RASAL2: variants seen among roughly 807,000 people sequenced by gnomAD.
RASAL2 encodes the protein RAS protein activator like 2.
In RASAL2, 58 loss-of-function variants were observed where a neutral mutation model predicts 128.9. That is an observed-to-expected ratio of 0.45 (90% CI 0.36 to 0.56). The LOEUF is 0.56. Among genes scored for constraint, RASAL2 ranks in the 20% least tolerant of loss-of-function variants. The pLI, the probability that RASAL2 is intolerant of heterozygous loss-of-function variation, is 0.00. For missense variants in RASAL2, 1,360 were observed against 1,601.6 expected (o/e 0.85, Z 2.57); for synonymous variants, 561 against 580.8 (o/e 0.97, Z 0.49).
intron 1 of RASAL2, among the ~76,000 whole-genome samples, chr1:178,273,668 A>G (rs1307943545): frequency 6.6e-6 from 1 of 152,226 alleles, no homozygotes; most frequent in Non-Finnish European, 1.5e-5. Context: ...TTAAAAAATC[A>G]TGGAATATAG....
At chr1:178,116,495 T>G (rs1659522579) in intron 1 of RASAL2, among the ~76,000 whole-genome samples, 1 of 152,202 alleles carries the variant, frequency 6.6e-6, no homozygotes, top group Admixed American at 6.5e-5. Flanking sequence ...TTTCTTATGA[T>G]TCCATTATTT....
At chr1:178,419,298 G>C (rs1674980265) in intron 4 of RASAL2, among the ~76,000 whole-genome samples, 1 of 151,982 alleles carries the variant, frequency 6.6e-6, no homozygotes, top group Admixed American at 6.6e-5. Flanking sequence ...TTTTGGGTTA[G>C]GGTTTCATTC....
chr1:178,118,081 T>A (rs908711756), intron 1 of RASAL2, among the ~76,000 whole-genome samples: 7 of 151,780 alleles, frequency 4.6e-5, no homozygotes, highest in Admixed American at 1.3e-4. Flanking sequence ...GGAGAATCCC[T>A]TGAACCCGGG....
Position 178,440,665 on chromosome 1 carries a change from C to T in RASAL2, c.829-884C>T, listed in dbSNP as rs192220228. ...AATCAGTTGAACTTTCTTGTATTTGCGGAACTCAGTTCATTAGGCTGTATA... is the reference window on the plus strand; with the variant it reads ...AATCAGTTGAACTTTCTTGTATTTGTGGAACTCAGTTCATTAGGCTGTATA... On this transcript the variant is annotated intron_variant, in intron 6 of 17. Coordinates refer to ENST00000367649, the MANE Select transcript of RASAL2 (RefSeq NM_170692.4). Among the ~76,000 whole-genome samples, 536 of 152,128 alleles carry T rather than the reference C, an allele frequency of 3.5e-3. 4 individuals are homozygous for T. Among genetic ancestry groups the T allele is most frequent in the African/African-American group, 0.012 (515 of 41,520 alleles).
At chr1:178,258,226 G>A (rs1464667571) in intron 1 of RASAL2, among the ~76,000 whole-genome samples, 3 of 150,414 alleles carry the variant, frequency 2.0e-5, no homozygotes, top group Admixed American at 1.3e-4. Flanking sequence ...CCCGGGAGGT[G>A]GAGTTTGCAG....
intron 2 of RASAL2, among the ~76,000 whole-genome samples, chr1:178,291,509 A>G (rs1667278981): frequency 6.6e-6 from 1 of 151,784 alleles, no homozygotes; most frequent in South Asian, 2.1e-4. Flanking sequence ...AAAACAGTTT[A>G]CAAAAACAGT....
intron 1 of RASAL2, among the ~76,000 whole-genome samples, chr1:178,190,204 C>T (rs1434327569): frequency 6.6e-6 from 1 of 152,102 alleles, no homozygotes; most frequent in Admixed American, 6.6e-5. Flanking sequence ...GTGAGTCTAG[C>T]CTGTTTATTT....
Position 178,478,276 on chromosome 1 carries a change from T to A in RASAL2, c.*5037T>A, listed in dbSNP as rs1408064069. On this transcript the variant is annotated 3_prime_UTR_variant, in exon 18 of 18. Transcript: ENST00000367649. ...GGGTACAGATATTTATGTGTAAATA[T>A]CATTTTATGTGATTTCCAAATTTTC... is the stretch of plus-strand genomic sequence containing the variant. 1 of 152,206 alleles carries A rather than the reference T, an allele frequency of 6.6e-6. No individual in the cohort carries two copies. The highest frequency in any genetic ancestry group is 6.5e-5 in the Admixed American group (1 of 15,284). 9.4% of individuals were successfully genotyped at this position (152,206 alleles called of 1,614,324 possible). A position where few individuals can be genotyped will look rare whatever the true frequency, so the allele number is the denominator to read the frequency against.
intron 4 of RASAL2, chr1:178,411,650 G>T: frequency 1.2e-6 from 1 of 804,160 alleles, no homozygotes; most frequent in South Asian, 1.3e-5. Flanking sequence ...TTTGGTGTCT[G>T]CCATATCTTT....
chr1:178,146,347 G>A (rs1360985818), intron 1 of RASAL2, among the ~76,000 whole-genome samples: 8 of 152,200 alleles, frequency 5.3e-5, no homozygotes, highest in Non-Finnish European at 1.2e-4. Context: ...GCAAACTGAC[G>A]TAGGCGAAGC....
At chr1:178,330,491 G>C (rs989532977) in intron 3 of RASAL2, among the ~76,000 whole-genome samples, 2 of 152,118 alleles carry the variant, frequency 1.3e-5, no homozygotes, top group African/African-American at 4.8e-5. Context: ...ACAAAAGACT[G>C]AACAGTGAAC....
chr1:178,117,950 A>G (rs778474257), intron 1 of RASAL2, among the ~76,000 whole-genome samples: 46 of 152,252 alleles, frequency 3.0e-4, no homozygotes, highest in Non-Finnish European at 6.0e-4. Flanking sequence ...GGATCACCTG[A>G]GGTCACGAGT....
At chr1:178,231,308 A>C (rs1021009389) in intron 1 of RASAL2, among the ~76,000 whole-genome samples, 2 of 152,078 alleles carry the variant, frequency 1.3e-5, no homozygotes, top group Non-Finnish European at 2.9e-5. Flanking sequence ...TTCTTTTTTC[A>C]TATGCTTGTT....
At chr1:178,229,481 T>A (rs1463798573) in intron 1 of RASAL2, among the ~76,000 whole-genome samples, 1 of 152,112 alleles carries the variant, frequency 6.6e-6, no homozygotes, top group Non-Finnish European at 1.5e-5. Flanking sequence ...GTAGAACTTT[T>A]TTTTTTTTTA....
At position 178,262,164 on chromosome 1, in the gene RASAL2, C is replaced by T. The variant is rs533756712; in HGVS notation, c.203-21400C>T. Among the ~76,000 whole-genome samples the T allele has an allele frequency of 8.6e-5, 13 of 151,066 alleles. No homozygotes were observed. In the East Asian group the frequency reaches 2.3e-3, roughly 27 times the overall value. ...ATTATTAGCAAAATCAGTATCCTTT[C>T]TCTGCTGAAAACAGTGACTAAAAAG... On this transcript the variant is annotated intron_variant, in intron 1 of 17. Coordinates refer to ENST00000367649, the MANE Select transcript of RASAL2 (RefSeq NM_170692.4).
intron 1 of RASAL2, among the ~76,000 whole-genome samples, chr1:178,181,737 T>C (rs1329194077): frequency 6.6e-6 from 1 of 152,094 alleles, no homozygotes; most frequent in Non-Finnish European, 1.5e-5. Context: ...TTGAGGAGTA[T>C]TGATAAGGTT....
At chr1:178,148,467 G>A (rs186221040) in intron 1 of RASAL2, among the ~76,000 whole-genome samples, 4 of 147,006 alleles carry the variant, frequency 2.7e-5, no homozygotes, top group Admixed American at 2.7e-4. Context: ...TTTATTTTTT[G>A]AGATAGGGTC....
chr1:178,347,858 T>C (rs1670231638), intron 3 of RASAL2, among the ~76,000 whole-genome samples: 1 of 152,224 alleles, frequency 6.6e-6, no homozygotes, highest in South Asian at 2.1e-4. Context: ...ACAAAAATGC[T>C]TTTAACAGCA....
chr1:178,270,813 G>A (rs1274851863), intron 1 of RASAL2, among the ~76,000 whole-genome samples: 1 of 152,000 alleles, frequency 6.6e-6, no homozygotes, highest in African/African-American at 2.4e-5. Flanking sequence ...CTGTTTGTCG[G>A]GGGAACCCTT....
Sources: allele counts gnomAD v4.1 joint callset (sites outside exome capture counted in the v4.1 genomes callset), GRCh38; gene constraint gnomAD v4.1.1; transcripts MANE v1.5; gene names NCBI Gene and HGNC (gene_info 2026-07-23, HGNC 2026-07-21).